Variants in CCDC163 observed in about 807,000 individuals in gnomAD.
CCDC163 encodes transmembrane protein CCDC163.
In CCDC163, 13 loss-of-function variants were observed where a neutral mutation model predicts 8.2. That is an observed-to-expected ratio of 1.59 (90% CI 1.04 to 2.54). The LOEUF is 2.54. Among genes scored for constraint, CCDC163 ranks in the 30% most tolerant of loss-of-function variants. The probability of loss-of-function intolerance (pLI) is 0.00; values close to 1 mark genes in which losing one functional copy is unlikely to be tolerated. For synonymous variants in CCDC163, 41 were observed against 30.9 expected (o/e 1.33, Z -1.08); for missense variants, 117 against 78.6 (o/e 1.49, Z -1.85).
At chr1:45,499,184 C>G (rs185578643) in intron 2 of CCDC163, among the ~76,000 whole-genome samples, 161 bp downstream of exon 2, 3 of 152,214 alleles carry the variant, frequency 2.0e-5, no homozygotes, top group South Asian at 4.1e-4. Context: ...GCCAGGTCCC[C>G]GGCTGAGGAA....
Position 45,494,703 on chromosome 1 carries a change from TCCCAGC to T in CCDC163, c.*350_*355del, listed in dbSNP as rs1557597100. The stretch of plus-strand genomic sequence containing the variant: ...TGGGCATGGTGGCTCACAACTGTAA[TCCCAGC>T]ACTTTGGGAGGGCGAGGCGGGCAGA... On this transcript the variant is annotated 3_prime_UTR_variant, in exon 5 of 5. Transcript: ENST00000629482. The T allele has an allele frequency of 5.8e-5, 17 of 294,398 alleles. No individual in the cohort carries two copies. The highest frequency in any genetic ancestry group is 8.0e-5 in the Non-Finnish European group (12 of 149,790). The allele number at this position is 294,398 out of a possible 1,614,324, so 18.2% of individuals were successfully genotyped here.
At chr1:45,495,658 T>A in intron 4 of CCDC163, 2 of 19,366 alleles carry the variant, frequency 1.0e-4, no homozygotes, top group Non-Finnish European at 7.4e-5. Context: ...CCTCCCTCTT[T>A]TTTTTTTTTT....
Position 45,499,941 on chromosome 1 carries a change from G to A in CCDC163, c.-332C>T, listed in dbSNP as rs988874622. The A allele has an allele frequency of 2.0e-6, 1 of 487,852 alleles. No individual in the cohort carries two copies. The highest frequency in any genetic ancestry group is 3.7e-6 in the Non-Finnish European group (1 of 266,866). 30.2% of individuals were successfully genotyped at this position (487,852 alleles called of 1,614,324 possible). On this transcript the variant is annotated 5_prime_UTR_variant, in exon 1 of 5. Coordinates refer to ENST00000629482, the MANE Select transcript of CCDC163 (RefSeq NM_001102601.3). ...GCCACCACGCCAAACCTGTGCCAGT[G>A]ACAACTGCCGCCGCCGGGTTCAAAA...
At chr1:45,497,727 C>A (rs1353938963) in intron 2 of CCDC163, among the ~76,000 whole-genome samples, 1 of 33,292 alleles carries the variant, frequency 3.0e-5, no homozygotes, top group Non-Finnish European at 5.9e-5. Flanking sequence ...AGCCCCCCGC[C>A]AGGCCAGCCG....
At chr1:45,495,513 G>A (rs1401055743) in intron 4 of CCDC163, 4 of 702,790 alleles carry the variant, frequency 5.7e-6, no homozygotes, top group Non-Finnish European at 1.0e-5. Context: ...AGTGGGCAGA[G>A]GCAGCTTAGA....
At chr1:45,496,696 C>T in intron 3 of CCDC163, 73 bp from the exon 4 acceptor site, 4 of 703,970 alleles carry the variant, frequency 5.7e-6, no homozygotes, top group Non-Finnish European at 1.1e-5. Flanking sequence ...TGTGACCAGC[C>T]TGCTGCCAAA....
At chr1:45,496,210 T>C (rs866739981) in intron 4 of CCDC163, 1 of 389,192 alleles carries the variant, frequency 2.6e-6, no homozygotes, top group African/African-American at 2.1e-5. Context: ...TCTGTCCTGG[T>C]AGCCTCCAGG....
chr1:45,494,904 C>T lies in CCDC163; in HGVS notation c.*155G>A. 3 of 617,564 alleles carry T rather than the reference C, an allele frequency of 4.9e-6. No homozygotes were observed. The Admixed American group carries it at 7.9e-5, about 16-fold the overall frequency. The allele number at this position is 617,564 out of a possible 1,614,324, so 38.3% of individuals were successfully genotyped here. A position where few individuals can be genotyped will look rare whatever the true frequency, so the allele number is the denominator to read the frequency against. On this transcript the variant is annotated 3_prime_UTR_variant, in exon 5 of 5. Transcript: ENST00000629482. ...GGTTGCAGTGAGCTGAGATGGGGGG[C>T]AAGGATGGGCAGGCAGTGAAAAGCC...
intron 4 of CCDC163, 53 bp from the exon 5 acceptor site, chr1:45,495,219 A>G: frequency 1.3e-6 from 1 of 780,220 alleles, no homozygotes; most frequent in Non-Finnish European, 2.4e-6. Flanking sequence ...GCATTGTGAT[A>G]TGCATAGAAC....
intron 2 of CCDC163, among the ~76,000 whole-genome samples, chr1:45,497,661 G>A (rs1474863466): frequency 5.3e-5 from 5 of 93,574 alleles, no homozygotes; most frequent in African/African-American, 8.6e-5. Flanking sequence ...CGTCTGGGAA[G>A]TGAGGAGCGT....
chr1:45,495,655 CTTTTT>C, intron 4 of CCDC163: 165 of 468,970 alleles, frequency 3.5e-4, no homozygotes, highest in Non-Finnish European at 5.1e-4. Context: ...TCTCCTCCCT[CTTTTT>C]TTTTTTTTTT....
chr1:45,499,194 A>T, intron 2 of CCDC163, 151 bp downstream of exon 2: 1 of 649,170 alleles, frequency 1.5e-6, no homozygotes, highest in Non-Finnish European at 2.8e-6. Flanking sequence ...CGGCTGAGGA[A>T]ATAAGGAAGG....
Position 45,495,175 on chromosome 1 carries a change from A to G in CCDC163, c.331-9T>C. ...GGTGCTCCTCTGGGGATCTAAGAGGAAAGAAAAGGGAAGAGAAAACAAGTC... is the reference window on the plus strand; with the variant it reads ...GGTGCTCCTCTGGGGATCTAAGAGGGAAGAAAAGGGAAGAGAAAACAAGTC... On this transcript the variant is annotated splice_polypyrimidine_tract_variant and intron_variant, in intron 4 of 4. Transcript: ENST00000629482. 3.8e-6 allele frequency: 3 copies of G among 780,864 alleles called. No homozygotes were observed. The highest frequency in any genetic ancestry group is 2.7e-5 in the South Asian group (2 of 74,614). 48.4% of individuals were successfully genotyped at this position (780,864 alleles called of 1,614,324 possible).
At position 45,499,026 on chromosome 1, in the gene CCDC163, A is replaced by G. The variant is rs1403898622; in HGVS notation, c.177+319T>C. On this transcript the variant is annotated intron_variant, in intron 2 of 4. Coordinates refer to ENST00000629482, the MANE Select transcript of CCDC163 (RefSeq NM_001102601.3). ...CCTGACATTGAAATTAGGATCAGAG[A>G]ATAGCAACCTCACCCCAGAGAGAGG... 2.0e-5 allele frequency among the ~76,000 whole-genome samples: 3 copies of G among 152,220 alleles called. No individual in the cohort carries two copies. In the East Asian group the frequency reaches 5.8e-4, roughly 29 times the overall value.
At chr1:45,497,529 C>T (rs1013338014) in intron 2 of CCDC163, 146 bp from the exon 3 acceptor site, 6 of 557,100 alleles carry the variant, frequency 1.1e-5, no homozygotes, top group Non-Finnish European at 1.6e-5. Flanking sequence ...GCACTCAGTG[C>T]TCAATGGCGC....
chr1:45,497,638 C>T (rs1425415231), intron 2 of CCDC163, among the ~76,000 whole-genome samples: 1 of 111,854 alleles, frequency 8.9e-6, no homozygotes, highest in African/African-American at 3.6e-5. Flanking sequence ...CAGCCTCTGC[C>T]CGGCCGCCAC....
In CCDC163 at chr1:45,499,682, C is replaced by A; in HGVS notation, c.-73G>T. 1 of 709,216 alleles carries A rather than the reference C, an allele frequency of 1.4e-6. No individual in the cohort carries two copies. The allele number at this position is 709,216 out of a possible 1,614,324, so 43.9% of individuals were successfully genotyped here. On this transcript the variant is annotated 5_prime_UTR_variant, in exon 1 of 5. Coordinates refer to ENST00000629482, the MANE Select transcript of CCDC163 (RefSeq NM_001102601.3). ...GCTTGCTCTCCTAGCGGGGGATACC[C>A]AAGGTATCCCCAGGAAAGGCCACCA...
chr1:45,496,858 G>A (rs569545621), intron 3 of CCDC163, among the ~76,000 whole-genome samples: 1 of 152,210 alleles, frequency 6.6e-6, no homozygotes, highest in Non-Finnish European at 1.5e-5. Flanking sequence ...CCACTTAATG[G>A]GAGAGCAAGA....
chr1:45,496,244 A>G (rs767863283), intron 4 of CCDC163: 5 of 435,154 alleles, frequency 1.1e-5, no homozygotes, highest in Non-Finnish European at 2.2e-5. Context: ...CTTCCTGGCC[A>G]CTTTGCAACT....
Sources: allele counts gnomAD v4.1 joint callset (sites outside exome capture counted in the v4.1 genomes callset), GRCh38; gene constraint gnomAD v4.1.1; transcripts MANE v1.5; gene names NCBI Gene and HGNC (gene_info 2026-07-23, HGNC 2026-07-21).